NCKAP5: variants seen among roughly 807,000 people sequenced by gnomAD.
The protein encoded by NCKAP5 is nck-associated protein 5.
NCKAP5 carries 92 observed loss-of-function variants against 167.0 expected under a neutral mutation model. The ratio of observed to expected loss-of-function variants is 0.55; its 90% confidence interval spans 0.47 to 0.66. The LOEUF (loss-of-function observed/expected upper bound fraction) is 0.66. Ranked by LOEUF, NCKAP5 falls within the 30% of genes least tolerant of loss-of-function variation. NCKAP5 has a pLI of 0.00. For missense variants in NCKAP5, 2,378 were observed against 2,315.0 expected, an observed-to-expected ratio of 1.03 and a Z score of -0.56; for synonymous variants, 891 against 877.4, an observed-to-expected ratio of 1.02 and a Z score of -0.27.
chr2:133,186,316 T>C (rs62177494), intron 5 of NCKAP5, among the ~76,000 whole-genome samples: 14,223 of 152,172 alleles, frequency 0.093, 816 homozygotes, highest in East Asian at 0.13. Flanking sequence ...TACTTGATCA[T>C]AGTGAATTAA....
chr2:133,441,092 ACT>A (rs1327450105), intron 3 of NCKAP5, among the ~76,000 whole-genome samples: 34 of 52,060 alleles, frequency 6.5e-4, no homozygotes, highest in Middle Eastern at 7.4e-3. Context: ...AGACACACAC[ACT>A]CACACACACA....
At chr2:132,774,878 G>A (rs1682412093) in intron 15 of NCKAP5, among the ~76,000 whole-genome samples, 1 of 152,178 alleles carries the variant, frequency 6.6e-6, no homozygotes, top group Admixed American at 6.5e-5. Context: ...CAATAGAGAA[G>A]GTAATTGTCA....
intron 4 of NCKAP5, among the ~76,000 whole-genome samples, chr2:133,271,705 C>A (rs527498191): frequency 6.6e-6 from 1 of 152,032 alleles, no homozygotes; most frequent in South Asian, 2.1e-4. Context: ...GGCATCAGTG[C>A]AAAATAAGCA....
intron 5 of NCKAP5, among the ~76,000 whole-genome samples, chr2:133,213,100 A>G (rs2086278409): frequency 6.6e-6 from 1 of 152,184 alleles, no homozygotes; most frequent in South Asian, 2.1e-4. Flanking sequence ...AGGTCCCCAG[A>G]CAGTCATCTC....
chr2:132,984,158 A>G (rs1162059750), intron 7 of NCKAP5, among the ~76,000 whole-genome samples: 2 of 152,148 alleles, frequency 1.3e-5, no homozygotes, highest in African/African-American at 4.8e-5. Flanking sequence ...AAAGATCTTC[A>G]AGATCATGGA....
intron 11 of NCKAP5, among the ~76,000 whole-genome samples, chr2:132,798,374 T>C (rs570849666): frequency 3.9e-5 from 6 of 152,290 alleles, no homozygotes; most frequent in African/African-American, 1.4e-4. Flanking sequence ...CATATGTAAG[T>C]TTTAAAGATT....
chr2:132,919,915 A>G (rs979562904), intron 8 of NCKAP5, among the ~76,000 whole-genome samples: 4 of 152,184 alleles, frequency 2.6e-5, no homozygotes, highest in Non-Finnish European at 5.9e-5. Flanking sequence ...AGAGAGGCCA[A>G]GTCTTGCTTG....
intron 8 of NCKAP5, among the ~76,000 whole-genome samples, chr2:132,917,794 A>G (rs987461839): frequency 6.6e-6 from 1 of 152,038 alleles, no homozygotes; most frequent in Admixed American, 6.6e-5. Context: ...TGGGCTCCAA[A>G]CCATAAGACT....
At chr2:132,864,535 G>A (rs575747170) in intron 10 of NCKAP5, among the ~76,000 whole-genome samples, 43 of 152,286 alleles carry the variant, frequency 2.8e-4, no homozygotes, top group African/African-American at 9.9e-4. Flanking sequence ...TTCTCTGGAG[G>A]ATCCACACAC....
rs1558755385 is a variant in NCKAP5 at position 133,526,228 on chromosome 2, A to AAGGAAGGAAGG, written c.-61-8642_-61-8641insCCTTCCTTCCT. Among the ~76,000 whole-genome samples the AAGGAAGGAAGG allele has an allele frequency of 1.2e-3, 63 of 53,400 alleles. 4 individuals are homozygous for AAGGAAGGAAGG. The highest frequency in any genetic ancestry group is 5.5e-3 in the East Asian group (8 of 1,462). The allele number at this position is 53,400 out of a possible 152,430, so 35.0% of individuals were successfully genotyped here. A position where few individuals can be genotyped will look rare whatever the true frequency, so the allele number is the denominator to read the frequency against. Reference sequence around the variant, plus strand: ...GGAAGGAAGGAAGGAAGGAAGGAAGAAAGGAAAGGAGGGAGGGAAGGAGGG... The same window carrying AAGGAAGGAAGG: ...GGAAGGAAGGAAGGAAGGAAGGAAGAAGGAAGGAAGGAAGGAAAGGAGGGAGGGAAGGAGGG... On this transcript the variant is annotated intron_variant, in intron 2 of 19. Coordinates refer to ENST00000409261, the MANE Select transcript of NCKAP5 (RefSeq NM_207363.3).
chr2:132,721,308 G>A (rs1264676906), intron 19 of NCKAP5, among the ~76,000 whole-genome samples: 1 of 151,184 alleles, frequency 6.6e-6, no homozygotes, highest in Non-Finnish European at 1.5e-5. Flanking sequence ...ACTCCGTCTT[G>A]GAAAACAAAA....
rs139151690 is a variant in NCKAP5 at position 133,029,250 on chromosome 2, C to T, written c.342-35011G>A. On this transcript the variant is annotated intron_variant, in intron 6 of 19. Coordinates refer to ENST00000409261, the MANE Select transcript of NCKAP5 (RefSeq NM_207363.3). ...CTACAGCAATGAGGCAGATAGGTAT[C>T]TTATGTCAGATGCTGTGGTAAGTAT... is the stretch of plus-strand genomic sequence containing the variant. Among the ~76,000 whole-genome samples, 195 of 152,278 alleles carry T rather than the reference C, an allele frequency of 1.3e-3. 1 individual carries two copies. Among genetic ancestry groups the T allele is most frequent in the African/African-American group, 3.7e-3 (153 of 41,560 alleles).
At chr2:133,251,299 C>T (rs890429227) in intron 4 of NCKAP5, among the ~76,000 whole-genome samples, 3 of 152,186 alleles carry the variant, frequency 2.0e-5, no homozygotes, top group Non-Finnish European at 2.9e-5. Flanking sequence ...GTCCTGGAAC[C>T]AATCCCCTGA....
At chr2:133,485,771 G>A (rs1680852045) in intron 3 of NCKAP5, among the ~76,000 whole-genome samples, 1 of 152,042 alleles carries the variant, frequency 6.6e-6, no homozygotes, top group African/African-American at 2.4e-5. Context: ...TTTATTTGCT[G>A]CATACTGGGG....
chr2:133,181,603 C>CAAAAAAAAA (rs34264277), intron 5 of NCKAP5, among the ~76,000 whole-genome samples: 17 of 71,150 alleles, frequency 2.4e-4, no homozygotes, highest in African/African-American at 7.5e-4. Context: ...CCCATCTCTA[C>CAAAAAAAAA]AAAAAAAAAA....
chr2:132,772,454 T>C (rs997481760), intron 16 of NCKAP5, among the ~76,000 whole-genome samples: 3 of 152,234 alleles, frequency 2.0e-5, no homozygotes, highest in African/African-American at 7.2e-5. Context: ...AAGAGATTCC[T>C]GTAGTTCTCT....
chr2:133,470,072 A>C (rs1365366393), intron 3 of NCKAP5, among the ~76,000 whole-genome samples: 1 of 151,944 alleles, frequency 6.6e-6, no homozygotes, highest in Non-Finnish European at 1.5e-5. Flanking sequence ...GTTCCTTTGG[A>C]GGAGGAGAGG....
At chr2:133,617,954 A>G in the NCKAP5 span, among the ~76,000 whole-genome samples, 1 of 152,148 alleles carries the variant, frequency 6.6e-6, no homozygotes, top group East Asian at 1.9e-4. Context: ...ACCAAAACAG[A>G]GATATAGATC....
intron 6 of NCKAP5, among the ~76,000 whole-genome samples, chr2:133,011,052 G>GA (rs1221775708): frequency 6.6e-6 from 1 of 152,152 alleles, no homozygotes; most frequent in Non-Finnish European, 1.5e-5. Context: ...ATTCCCAAGT[G>GA]ATAGGATTTT....
Sources: allele counts gnomAD v4.1 joint callset (sites outside exome capture counted in the v4.1 genomes callset), GRCh38; gene constraint gnomAD v4.1.1; transcripts MANE v1.5; gene names NCBI Gene and HGNC (gene_info 2026-07-23, HGNC 2026-07-21).